ZNF229: variants seen among roughly 807,000 people sequenced by gnomAD.
ZNF229 encodes the protein zinc finger protein 229.
Under a neutral mutation model 11.8 loss-of-function variants are expected in ZNF229, and 10 were observed. The ratio of observed to expected loss-of-function variants is 0.85; its 90% CI spans 0.52 to 1.44. The LOEUF (loss-of-function observed/expected upper bound fraction) is 1.44. Ranked by LOEUF, ZNF229 falls within the 40% of genes most tolerant of loss-of-function variation. The probability of loss-of-function intolerance (pLI) is 0.00; values close to 1 mark genes in which losing one functional copy is unlikely to be tolerated. For synonymous variants in ZNF229, 368 were observed against 374.8 expected, an observed-to-expected ratio of 0.98 and a Z score of 0.21; for missense variants, 1,045 against 1,015.1, an observed-to-expected ratio of 1.03 and a Z score of -0.40.
At chr19:44,443,421 G>A (rs1034517631) in intron 2 of ZNF229, among the ~76,000 whole-genome samples, 3 of 152,100 alleles carry the variant, frequency 2.0e-5, no homozygotes, top group African/African-American at 7.2e-5. Context: ...ATAGAAATCA[G>A]GATATAGATT....
At chr19:44,432,064 A>T in intron 5 of ZNF229, 158 bp downstream of exon 5, 1 of 1,366,576 alleles carries the variant, frequency 7.3e-7, no homozygotes, top group Non-Finnish European at 9.5e-7. Flanking sequence ...TGCCTTCCAG[A>T]AATAAACTTC....
chr19:44,446,561 G>A (rs1418735491), intron 2 of ZNF229, among the ~76,000 whole-genome samples: 2 of 152,162 alleles, frequency 1.3e-5, no homozygotes, highest in African/African-American at 4.8e-5. Flanking sequence ...AGCCCAGTAC[G>A]TGGTACACAG....
Position 44,448,405 on chromosome 19 carries a change from G to A in ZNF229, c.-362C>T, listed in dbSNP as rs1972040501. On this transcript the variant is annotated 5_prime_UTR_variant, in exon 1 of 6. It introduces an in-frame stop codon into an upstream open reading frame of the 5' UTR. Coordinates refer to ENST00000614049, the MANE Select transcript of ZNF229 (RefSeq NM_014518.4). Reference sequence around the variant, plus strand: ...GAGCCGATCCTAATTCCCATGGCCTGACAGTACAACCGCATGGAGATGCAC... The same window carrying A: ...GAGCCGATCCTAATTCCCATGGCCTAACAGTACAACCGCATGGAGATGCAC... The A allele has an allele frequency of 6.6e-6, 1 of 152,264 alleles. No homozygotes were observed. Among genetic ancestry groups the A allele is most frequent in the African/African-American group, 2.4e-5 (1 of 41,444 alleles). The allele number at this position is 152,264 out of a possible 1,614,324, so 9.4% of individuals were successfully genotyped here.
At chr19:44,435,072 T>C (rs1971789858) in intron 4 of ZNF229, among the ~76,000 whole-genome samples, 2 of 152,160 alleles carry the variant, frequency 1.3e-5, no homozygotes, top group Admixed American at 1.3e-4. Context: ...TCCCCAACCA[T>C]GCGGAACTGT....
At chr19:44,436,928 T>C (rs1000645684) in intron 4 of ZNF229, among the ~76,000 whole-genome samples, 2 of 151,834 alleles carry the variant, frequency 1.3e-5, no homozygotes, top group Admixed American at 1.3e-4. Flanking sequence ...TGTGTATATA[T>C]ATATATTTTA....
In ZNF229 at chr19:44,428,712, C is replaced by T. The variant is rs1226538312; in HGVS notation, c.2069G>A (p.Gly690Asp). ...ATTAGAGCCATAACTGAATCCCTTG[C>T]CACACTGATCACACGTATAGGGCTT... ...GKKPYTCDQC[G>D]KGFSYGSNLR... The change falls in exon 6 of 6, where the codon GGC becomes GAC. Residue 690 changes from glycine to aspartate, a missense_variant. Physicochemically the swap from Gly to Asp is moderately conservative, Grantham distance 94. Transcript: ENST00000614049. 1 of 1,613,902 alleles carries T rather than the reference C, an allele frequency of 6.2e-7. No individual in the cohort carries two copies. The highest frequency in any genetic ancestry group is 8.5e-7 in the Non-Finnish European group (1 of 1,179,982).
rs892403381 is a variant in ZNF229 at position 44,427,264 on chromosome 19, G to A, written c.*1039C>T. The A allele has an allele frequency of 1.4e-5, 2 of 144,966 alleles. No homozygotes were observed. Among genetic ancestry groups the A allele is most frequent in the African/African-American group, 5.3e-5 (2 of 37,896 alleles). The allele number at this position is 144,966 out of a possible 1,614,324, so 9.0% of individuals were successfully genotyped here. ...CCCCCCCCCCCGCCCCCACTGATGG[G>A]GGATTTGATGATTCTATTTTAATAC... On this transcript the variant is annotated 3_prime_UTR_variant, in exon 6 of 6. Coordinates refer to ENST00000614049, the MANE Select transcript of ZNF229 (RefSeq NM_014518.4).
intron 4 of ZNF229, among the ~76,000 whole-genome samples, chr19:44,437,384 C>A (rs1416040309): frequency 6.6e-6 from 1 of 152,012 alleles, no homozygotes; most frequent in Non-Finnish European, 1.5e-5. Context: ...AAATGGTCAA[C>A]ATGACTACAG....
intron 2 of ZNF229, 116 bp downstream of exon 2, chr19:44,447,397 G>C (rs1022779176): frequency 4.6e-5 from 7 of 152,170 alleles, no homozygotes; most frequent in Admixed American, 1.3e-4. Context: ...CCCATTTCTA[G>C]GGGAAGGCAG....
chr19:44,439,939 T>C lies in ZNF229; in HGVS notation c.93+2624A>G, dbSNP rs1487980970. 2.2e-4 allele frequency among the ~76,000 whole-genome samples: 33 copies of C among 152,142 alleles called. 1 individual carries two copies. Among genetic ancestry groups the C allele is most frequent in the Admixed American group, 2.2e-3 (33 of 15,274 alleles). The stretch of plus-strand genomic sequence containing the variant: ...AAGTTATAATGAAATATATATAAAC[T>C]AGTATTATTAACATGGCTGAGCTAC... On this transcript the variant is annotated intron_variant, in intron 4 of 5. Transcript: ENST00000614049.
chr19:44,430,581 A>G (rs1971705746), intron 5 of ZNF229, 39 bp from the exon 6 acceptor site: 3 of 1,560,740 alleles, frequency 1.9e-6, no homozygotes, highest in African/African-American at 2.7e-5. Context: ...AGAACTAGTA[A>G]AAGACTGGCT....
At position 44,443,665 on chromosome 19, in the gene ZNF229, T is replaced by A. The variant is rs539344470; in HGVS notation, c.-177-641A>T. ...ATATAAACAATAAATTTAACTACAA[T>A]TTCAAAAGAGTAATGAGCATAAACA... On this transcript the variant is annotated intron_variant, in intron 2 of 5. Transcript: ENST00000614049. 2.6e-5 allele frequency among the ~76,000 whole-genome samples: 4 copies of A among 152,312 alleles called. No individual in the cohort carries two copies. In the South Asian group the frequency reaches 8.3e-4, roughly 32 times the overall value.
chr19:44,428,231 T>C lies in ZNF229; in HGVS notation c.*72A>G, dbSNP rs1400381077. 6.0e-6 allele frequency: 9 copies of C among 1,491,698 alleles called. No individual in the cohort carries two copies. In the Admixed American group the frequency reaches 8.8e-5, roughly 15 times the overall value. The allele number at this position is 1,491,698 out of a possible 1,614,324, so 92.4% of individuals were successfully genotyped here. A position where few individuals can be genotyped will look rare whatever the true frequency, so the allele number is the denominator to read the frequency against. ...AGCCCTCCTACATGTCACTTTCCTA[T>C]GGTTTTTCTCCTGTGTTGGCTCTCA... On this transcript the variant is annotated 3_prime_UTR_variant, in exon 6 of 6. Transcript: ENST00000614049.
chr19:44,430,325 T>C lies in ZNF229; in HGVS notation c.456A>G (p.Pro152=). 2 of 1,614,074 alleles carry C rather than the reference T, an allele frequency of 1.2e-6. No homozygotes were observed. Among genetic ancestry groups the C allele is most frequent in the Non-Finnish European group, 1.7e-6 (2 of 1,180,002 alleles). Residue 152 remains proline (P), a synonymous_variant, in exon 6 of 6, where the codon CCA becomes CCG. Transcript: ENST00000614049. ...GTAGACTGTCCAGGAAATTCTCAAT[T>C]GGAAAACACGGCGTAGATGCTCCTT... The part of the protein sequence containing the change: ...GWEGASTPCF[P]IENFLDSLQG...
chr19:44,430,246 T>G lies in ZNF229; in HGVS notation c.535A>C (p.Ile179Leu). 6.2e-7 allele frequency: 1 copy of G among 1,614,182 alleles called. No individual in the cohort carries two copies. The change falls in exon 6 of 6, where the codon ATA (isoleucine) becomes CTA (leucine). Residue 179 changes from isoleucine (I) to leucine (L), a missense_variant. Ile to Leu is a conservative substitution (Grantham distance 5). Transcript: ENST00000614049. ...GATCCTTGAATGGGGATTGGTCTTATAGCTCTCCAGGCTGGAAACTGTTGA... is the reference window on the plus strand; with the variant it reads ...GATCCTTGAATGGGGATTGGTCTTAGAGCTCTCCAGGCTGGAAACTGTTGA... ...ENQQFPAWRA[I>L]RPIPIQGSWA...
Position 44,428,591 on chromosome 19 carries a change from A to G in ZNF229, c.2190T>C (p.His730=), listed in dbSNP as rs778651095. Residue 730 remains histidine (H), a synonymous_variant, in exon 6 of 6, where the codon CAT becomes CAC. Coordinates refer to ENST00000614049, the MANE Select transcript of ZNF229 (RefSeq NM_014518.4). ...GFRYGSGLLS[H]KRVHTGEKPY... is the part of the protein sequence containing the mutation. ...GCTTCTCGCCAGTGTGCACTCTCTT[A>G]TGACTAAGGAGACCTGAGCCATATC... 1 of 1,613,528 alleles carries G rather than the reference A, an allele frequency of 6.2e-7. No homozygotes were observed. Among genetic ancestry groups the G allele is most frequent in the South Asian group, 1.1e-5 (1 of 91,058 alleles).
intron 2 of ZNF229, among the ~76,000 whole-genome samples, chr19:44,443,759 G>C (rs1319373324): frequency 1.3e-5 from 2 of 152,086 alleles, no homozygotes; most frequent in Non-Finnish European, 2.9e-5. Context: ...GGATGACAAA[G>C]TCACAAGTAC....
chr19:44,432,178 C>G, intron 5 of ZNF229, 44 bp downstream of exon 5: 1 of 1,561,074 alleles, frequency 6.4e-7, no homozygotes, highest in Non-Finnish European at 8.6e-7. Context: ...AAAATATCTT[C>G]TCTCCAGGAA....
chr19:44,435,569 T>C lies in ZNF229; in HGVS notation c.94-3203A>G, dbSNP rs539577725. ...GGAGACTCGGTGCCCAGGGTTTTCA[T>C]TGGGGCCTGGACACATAGGTACCTC... On this transcript the variant is annotated intron_variant, in intron 4 of 5. Transcript: ENST00000614049. 7.0e-5 allele frequency among the ~76,000 whole-genome samples: 9 copies of C among 128,706 alleles called. No homozygotes were observed. The South Asian group carries it at 8.7e-4, about 13-fold the overall frequency. The allele number at this position is 128,706 out of a possible 152,430, so 84.4% of individuals were successfully genotyped here. A position where few individuals can be genotyped will look rare whatever the true frequency, so the allele number is the denominator to read the frequency against.
Sources: allele counts gnomAD v4.1 joint callset (sites outside exome capture counted in the v4.1 genomes callset), GRCh38; gene constraint gnomAD v4.1.1; transcripts MANE v1.5; gene names NCBI Gene and HGNC (gene_info 2026-07-23, HGNC 2026-07-21).